The following ECT2 variants were observed in gnomAD, a reference collection of about 807,000 sequenced individuals.
ECT2 encodes protein ECT2.
ECT2 carries 61 observed loss-of-function variants against 116.9 expected under a neutral mutation model. The observed-to-expected ratio is 0.52, with a 90% CI of 0.42 to 0.65. The LOEUF (loss-of-function observed/expected upper bound fraction) is 0.65. ECT2 is among the 30% of genes least tolerant of loss of function. The pLI is 0.00. For missense variants in ECT2, 937 were observed against 1,078.7 expected (o/e 0.87, Z 1.84); for synonymous variants, 358 against 346.4 (o/e 1.03, Z -0.37).
At chr3:172,771,118 G>C (rs981451176) in intron 13 of ECT2, among the ~76,000 whole-genome samples, 1 of 151,964 alleles carries the variant, frequency 6.6e-6, no homozygotes, top group Non-Finnish European at 1.5e-5. Context: ...TCCTTCCTTT[G>C]GTAATGCCTT....
chr3:172,764,652 G>T, intron 12 of ECT2, 152 bp downstream of exon 12: 1 of 703,124 alleles, frequency 1.4e-6, no homozygotes, highest in Admixed American at 2.9e-5. Flanking sequence ...GAATAGTTAA[G>T]CTTAATAATG....
At chr3:172,773,790 TTTA>T (rs1721122188) in intron 13 of ECT2, 110 bp from the exon 14 acceptor site, 12 of 1,114,232 alleles carry the variant, frequency 1.1e-5, no homozygotes, top group Non-Finnish European at 1.3e-5. Context: ...GAGAGTATTT[TTTA>T]TTATTACTTC....
At chr3:172,754,941 A>G (rs74697599) in intron 2 of ECT2, among the ~76,000 whole-genome samples, 7,081 of 152,090 alleles carry the variant, frequency 0.047, 225 homozygotes, top group East Asian at 0.16. Flanking sequence ...TAGAAGTTAT[A>G]CAGTCATGAC....
intron 22 of ECT2, 25 bp from the exon 23 acceptor site, chr3:172,815,579 A>G: frequency 7.1e-7 from 1 of 1,414,762 alleles, no homozygotes; most frequent in Non-Finnish European, 9.8e-7. Context: ...TTTTTAAGAT[A>G]ACAAAAAGTA....
intron 12 of ECT2, among the ~76,000 whole-genome samples, chr3:172,765,786 CAT>C (rs2108378077): frequency 6.6e-6 from 1 of 152,304 alleles, no homozygotes; most frequent in East Asian, 1.9e-4. Flanking sequence ...TGCCTAATCT[CAT>C]GTGGTATTAT....
intron 15 of ECT2, 77 bp from the exon 16 acceptor site, chr3:172,783,722 T>G: frequency 1.1e-6 from 1 of 925,086 alleles, no homozygotes; most frequent in Non-Finnish European, 1.7e-6. Flanking sequence ...GACTACTAAT[T>G]ATTTGACTTT....
chr3:172,776,391 A>G (rs190557085), intron 14 of ECT2, among the ~76,000 whole-genome samples: 125 of 152,242 alleles, frequency 8.2e-4, no homozygotes, highest in Admixed American at 3.1e-3. Context: ...AGAAAAGGAA[A>G]AAGGGAGAGA....
At chr3:172,773,822 G>T in intron 13 of ECT2, 81 bp from the exon 14 acceptor site, 12 of 1,358,228 alleles carry the variant, frequency 8.8e-6, no homozygotes, top group South Asian at 1.3e-5. Flanking sequence ...TTAATATCTT[G>T]TGTCTCCTTT....
At chr3:172,786,910 T>A (rs963252997) in intron 18 of ECT2, among the ~76,000 whole-genome samples, 3 of 152,216 alleles carry the variant, frequency 2.0e-5, no homozygotes, top group African/African-American at 7.2e-5. Flanking sequence ...AAATGTAACT[T>A]GAGAATGTGA....
chr3:172,753,790 G>T (rs528382433), intron 1 of ECT2, among the ~76,000 whole-genome samples: 5 of 152,224 alleles, frequency 3.3e-5, no homozygotes, highest in Non-Finnish European at 4.4e-5. Flanking sequence ...GGTAGTTACA[G>T]ATGGTGAGGG....
At position 172,758,974 on chromosome 3, in the gene ECT2, C is replaced by T; in HGVS notation, c.487-6C>T. 6 of 1,605,436 alleles carry T rather than the reference C, an allele frequency of 3.7e-6. No individual in the cohort carries two copies. The highest frequency in any genetic ancestry group is 1.1e-5 in the South Asian group (1 of 89,430). On this transcript the variant is annotated splice_region_variant and splice_polypyrimidine_tract_variant and intron_variant, in intron 5 of 24. Transcript: ENST00000392692. Reference sequence around the variant, plus strand: ...AGCTCACATTTAAAATTGTTGTATCCTTCAGCCTTTGCCATTTTCATGTCG... The same window carrying T: ...AGCTCACATTTAAAATTGTTGTATCTTTCAGCCTTTGCCATTTTCATGTCG...
chr3:172,787,886 G>A (rs1723899370), intron 18 of ECT2, among the ~76,000 whole-genome samples: 1 of 152,168 alleles, frequency 6.6e-6, no homozygotes, highest in African/African-American at 2.4e-5. Context: ...TATAAAGTAA[G>A]TAAGGAAAAG....
chr3:172,804,942 A>G (rs1029380314), intron 20 of ECT2, among the ~76,000 whole-genome samples: 2 of 152,080 alleles, frequency 1.3e-5, no homozygotes, highest in Admixed American at 6.6e-5. Context: ...AATCACTTCA[A>G]CAAAAACTGC....
At chr3:172,826,137 C>T (rs944699406), downstream of ECT2, among the ~76,000 whole-genome samples, 13 of 152,152 alleles carry the variant, frequency 8.5e-5, no homozygotes, top group African/African-American at 2.7e-4. Flanking sequence ...TCAGGTCATC[C>T]GCCCACCTCG....
Position 172,820,266 on chromosome 3 carries a change from A to G in ECT2, c.*29A>G, listed in dbSNP as rs988388058. 2.0e-6 allele frequency: 3 copies of G among 1,504,808 alleles called. No homozygotes were observed. In the East Asian group the frequency reaches 6.8e-5, roughly 34 times the overall value. The allele number at this position is 1,504,808 out of a possible 1,614,324, so 93.2% of individuals were successfully genotyped here. The stretch of plus-strand genomic sequence containing the variant: ...GTTACCAAAATCTTAAATTATAGAA[A>G]TGTATAGACACCTCATACTCAAATA... On this transcript the variant is annotated 3_prime_UTR_variant, in exon 25 of 25. Coordinates refer to ENST00000392692, the MANE Select transcript of ECT2 (RefSeq NM_001258315.2).
chr3:172,796,165 T>C (rs1473925726), intron 18 of ECT2, among the ~76,000 whole-genome samples: 2 of 152,194 alleles, frequency 1.3e-5, no homozygotes, highest in African/African-American at 2.4e-5. Flanking sequence ...CAAAAAATTA[T>C]AGGACTAAGA....
chr3:172,795,595 A>G (rs1398101261), intron 18 of ECT2, among the ~76,000 whole-genome samples: 1 of 152,208 alleles, frequency 6.6e-6, no homozygotes, highest in Non-Finnish European at 1.5e-5. Flanking sequence ...TGATATTAAC[A>G]GGTTATAATT....
chr3:172,762,763 T>G lies in ECT2; in HGVS notation c.962T>G (p.Leu321Arg), dbSNP rs1257692794. ...LVVEENIVKDLPFEPSKKLYV... is the reference protein window; with the variant it reads ...LVVEENIVKDRPFEPSKKLYV... ...GTTGAAGAGAATATAGTAAAAGATCTTCCCTTTGAACCTTCAAAGAAACTT... is the reference window on the plus strand; with the variant it reads ...GTTGAAGAGAATATAGTAAAAGATCGTCCCTTTGAACCTTCAAAGAAACTT... Residue 321 changes from leucine to arginine, a missense_variant, in exon 10 of 25, where the codon CTT becomes CGT. Transcript: ENST00000392692. 2 of 1,613,224 alleles carry G rather than the reference T, an allele frequency of 1.2e-6. No homozygotes were observed. The highest frequency in any genetic ancestry group is 8.5e-7 in the Non-Finnish European group (1 of 1,179,626).
intron 12 of ECT2, among the ~76,000 whole-genome samples, chr3:172,767,090 G>C (rs1263155614): frequency 6.6e-6 from 1 of 152,212 alleles, no homozygotes; most frequent in African/African-American, 2.4e-5. Context: ...GGTCTGGTGA[G>C]TGTAGCCTAA....
Sources: allele counts gnomAD v4.1 joint callset (sites outside exome capture counted in the v4.1 genomes callset), GRCh38; gene constraint gnomAD v4.1.1; transcripts MANE v1.5; gene names NCBI Gene and HGNC (gene_info 2026-07-23, HGNC 2026-07-21).